The following SETBP1 variants were observed in gnomAD, a reference collection of about 807,000 sequenced individuals.
The protein encoded by SETBP1 is SET-binding protein.
A neutral mutation model predicts 101.0 loss-of-function variants in SETBP1; 9 were observed. The observed-to-expected ratio is 0.09, with a 90% CI of 0.05 to 0.16. The LOEUF (loss-of-function observed/expected upper bound fraction) is 0.16. Ranked by LOEUF, SETBP1 falls within the 10% of genes least tolerant of loss-of-function variation. The pLI is 1.00. For missense variants in SETBP1, 1,858 were observed against 2,033.8 expected, an observed-to-expected ratio of 0.91 and a Z score of 1.66; for synonymous variants, 818 against 788.5, an observed-to-expected ratio of 1.04 and a Z score of -0.63.
intron 4 of SETBP1, among the ~76,000 whole-genome samples, chr18:44,975,185 A>G (rs1183327605): frequency 6.6e-6 from 1 of 152,194 alleles, no homozygotes; most frequent in East Asian, 1.9e-4. Flanking sequence ...CTGCACTGAG[A>G]AAGAAATTTA....
chr18:44,710,671 C>T (rs544962555), intron 2 of SETBP1, among the ~76,000 whole-genome samples: 314 of 152,138 alleles, frequency 2.1e-3, no homozygotes, highest in Admixed American at 5.0e-3. Flanking sequence ...AGGCTGGGCT[C>T]GAACTCCTGA....
chr18:44,841,012 A>G lies in SETBP1; in HGVS notation c.487-28218A>G, dbSNP rs1352990578. Reference sequence around the variant, plus strand: ...AGAGAGTTTAAGTTAATCACCCTGTATTAGCTATCTATTGCTGCATTAAAA... The same window carrying G: ...AGAGAGTTTAAGTTAATCACCCTGTGTTAGCTATCTATTGCTGCATTAAAA... On this transcript the variant is annotated intron_variant, in intron 2 of 5. Transcript: ENST00000649279. Among the ~76,000 whole-genome samples the G allele has an allele frequency of 4.6e-5, 7 of 152,242 alleles. No homozygotes were observed. The South Asian group carries it at 1.2e-3, about 27-fold the overall frequency.
intron 4 of SETBP1, among the ~76,000 whole-genome samples, chr18:45,020,055 G>A (rs970910999): frequency 2.6e-5 from 4 of 151,826 alleles, no homozygotes; most frequent in Non-Finnish European, 5.9e-5. Flanking sequence ...CTACCTCCCA[G>A]GGTTGTGGCA....
At chr18:44,692,590 G>A (rs2068952944) in intron 1 of SETBP1, among the ~76,000 whole-genome samples, 1 of 152,192 alleles carries the variant, frequency 6.6e-6, no homozygotes, top group Non-Finnish European at 1.5e-5. Flanking sequence ...AGAGAGGCAG[G>A]TAATTAAAAT....
At chr18:44,998,208 C>T (rs2072539933) in intron 4 of SETBP1, among the ~76,000 whole-genome samples, 1 of 152,226 alleles carries the variant, frequency 6.6e-6, no homozygotes, top group Admixed American at 6.5e-5. Flanking sequence ...GAGAGGACAA[C>T]ATGGAATCCA....
intron 2 of SETBP1, among the ~76,000 whole-genome samples, chr18:44,717,025 G>A (rs142525315): frequency 1.3e-5 from 2 of 152,130 alleles, no homozygotes; most frequent in Non-Finnish European, 2.9e-5. Flanking sequence ...CCCCACAACC[G>A]CAATGTGATG....
chr18:44,976,070 GGATA>G (rs1206306114), intron 4 of SETBP1, among the ~76,000 whole-genome samples: 1 of 85,786 alleles, frequency 1.2e-5, no homozygotes, highest in Non-Finnish European at 2.2e-5. Flanking sequence ...TTTTGGGGAG[GGATA>G]CACACACACA....
At chr18:44,815,560 AT>A (rs1325861596) in intron 2 of SETBP1, among the ~76,000 whole-genome samples, 2 of 152,168 alleles carry the variant, frequency 1.3e-5, no homozygotes, top group African/African-American at 4.8e-5. Context: ...TTTTCTGGAC[AT>A]GTTTTTTTGA....
chr18:45,059,271 CT>C (rs1463190332), intron 5 of SETBP1, among the ~76,000 whole-genome samples: 12 of 152,120 alleles, frequency 7.9e-5, no homozygotes, highest in Non-Finnish European at 1.8e-4. Flanking sequence ...GTGATTTCAT[CT>C]ATTAATATTT....
intron 3 of SETBP1, among the ~76,000 whole-genome samples, chr18:44,935,007 T>C (rs902460728): frequency 6.6e-6 from 1 of 152,154 alleles, no homozygotes; most frequent in Admixed American, 6.5e-5. Flanking sequence ...ACCTGAGGCA[T>C]TGTGATGGGA....
Position 44,950,537 on chromosome 18 carries a change from T to A in SETBP1, c.1197T>A (p.His399Gln), listed in dbSNP as rs1568234160. Residue 399 changes from histidine (H) to glutamine (Q), a missense_variant, in exon 4 of 6, where the codon CAT becomes CAA. By Grantham distance (24) the His-to-Gln change is conservative (BLOSUM62 0). Transcript: ENST00000649279. ...SASNPENDSS[H>Q]VRITIPIKAP... ...GTAATCCTGAAAATGACTCAAGTCA[T>A]GTCCGGATTACTATCCCCATCAAGG... The A allele has an allele frequency of 7.4e-6, 12 of 1,614,012 alleles. No homozygotes were observed. The highest frequency in any genetic ancestry group is 8.5e-6 in the Non-Finnish European group (10 of 1,180,012).
intron 4 of SETBP1, among the ~76,000 whole-genome samples, chr18:45,022,480 C>G (rs2073090850): frequency 6.6e-6 from 1 of 152,192 alleles, no homozygotes; most frequent in South Asian, 2.1e-4. Context: ...ACTCATTTTT[C>G]TAGTAGTCAT....
At chr18:44,999,035 A>G (rs2072560118) in intron 4 of SETBP1, among the ~76,000 whole-genome samples, 1 of 152,170 alleles carries the variant, frequency 6.6e-6, no homozygotes, top group African/African-American at 2.4e-5. Context: ...AACAATCCTG[A>G]TCATCCTTCT....
intron 2 of SETBP1, among the ~76,000 whole-genome samples, chr18:44,858,829 C>T (rs1221474584): frequency 6.6e-6 from 1 of 152,144 alleles, no homozygotes; most frequent in Admixed American, 6.5e-5. Flanking sequence ...TTGGGATTTT[C>T]TACTTCTCTG....
At chr18:45,051,327 G>C (rs1358270245) in intron 5 of SETBP1, among the ~76,000 whole-genome samples, 14 of 152,020 alleles carry the variant, frequency 9.2e-5, no homozygotes, top group Admixed American at 9.2e-4. Context: ...TTGAAAAAAA[G>C]AAAAAGTTAA....
intron 3 of SETBP1, among the ~76,000 whole-genome samples, chr18:44,918,296 G>GCCAGTGA (rs1344565350): frequency 6.6e-6 from 1 of 152,304 alleles, no homozygotes; most frequent in African/African-American, 2.4e-5. Flanking sequence ...CTGGGGTGGA[G>GCCAGTGA]CCACCACCTC....
chr18:45,059,642 G>A (rs2073861229), intron 5 of SETBP1, among the ~76,000 whole-genome samples: 2 of 151,948 alleles, frequency 1.3e-5, no homozygotes, highest in African/African-American at 4.8e-5. Flanking sequence ...GCCCCATAGG[G>A]TAGCCACTAG....
intron 3 of SETBP1, among the ~76,000 whole-genome samples, chr18:44,912,087 A>G (rs2070323190): frequency 6.6e-6 from 1 of 152,196 alleles, no homozygotes; most frequent in Non-Finnish European, 1.5e-5. Context: ...TTCTGAGGGA[A>G]GTGGCATTGA....
At chr18:45,038,697 T>C (rs1329362997) in intron 5 of SETBP1, 42 bp downstream of exon 5, 10 of 1,607,596 alleles carry the variant, frequency 6.2e-6, no homozygotes, top group African/African-American at 5.3e-5. Flanking sequence ...CCAAGCAAGA[T>C]GAATGTGGAG....
Sources: allele counts gnomAD v4.1 joint callset (sites outside exome capture counted in the v4.1 genomes callset), GRCh38; gene constraint gnomAD v4.1.1; transcripts MANE v1.5; gene names NCBI Gene and HGNC (gene_info 2026-07-23, HGNC 2026-07-21).